The following BNC2 variants were observed in gnomAD, a reference collection of about 807,000 sequenced individuals.
BNC2 encodes the protein basonuclin zinc finger protein 2.
Under a neutral mutation model 76.3 loss-of-function variants are expected in BNC2, and 20 were observed. That is an observed-to-expected ratio of 0.26 (90% confidence interval 0.18 to 0.38). BNC2 has a LOEUF of 0.38. Ranked by LOEUF, BNC2 falls within the 10% of genes least tolerant of loss-of-function variation. The pLI is 1.00. For missense variants in BNC2, 1,382 were observed against 1,399.8 expected, an observed-to-expected ratio of 0.99 and a Z score of 0.20; for synonymous variants, 582 against 514.8, an observed-to-expected ratio of 1.13 and a Z score of -1.77.
chr9:16,435,175 T>C (rs2130838700), intron 6 of BNC2: 1 of 393,882 alleles, frequency 2.5e-6, no homozygotes, highest in South Asian at 2.2e-5. Context: ...AGCAGAAATA[T>C]AAATATATAA....
intron 1 of BNC2, among the ~76,000 whole-genome samples, chr9:16,868,869 C>T (rs1819607148): frequency 6.6e-6 from 1 of 152,154 alleles, no homozygotes; most frequent in Admixed American, 6.5e-5. Context: ...TAGGGTACAT[C>T]TTCAGATCAG....
At position 16,625,141 on chromosome 9, in the gene BNC2, G is replaced by C. The variant is rs540856533; in HGVS notation, c.331-42056C>G. On this transcript the variant is annotated intron_variant, in intron 3 of 6. Transcript: ENST00000380672. Reference sequence around the variant, plus strand: ...GAGAATTATTTGTAAGATTATACTAGAATTAAATTTGAACATGCATCTACC... The same window carrying C: ...GAGAATTATTTGTAAGATTATACTACAATTAAATTTGAACATGCATCTACC... Among the ~76,000 whole-genome samples the C allele has an allele frequency of 6.5e-4, 99 of 152,164 alleles. 1 individual carries two copies. Among genetic ancestry groups the C allele is most frequent in the Non-Finnish European group, 1.2e-3 (81 of 68,018 alleles).
chr9:16,752,493 C>A (rs969327199), intron 1 of BNC2, among the ~76,000 whole-genome samples: 1 of 152,194 alleles, frequency 6.6e-6, no homozygotes, highest in Admixed American at 6.5e-5. Context: ...AACCAGCTGA[C>A]TGAAGCTGTG....
chr9:16,458,335 G>T (rs559729423), intron 5 of BNC2, among the ~76,000 whole-genome samples: 3 of 152,274 alleles, frequency 2.0e-5, no homozygotes, highest in African/African-American at 7.2e-5. Flanking sequence ...TCCATTAGAG[G>T]CTGGAAAAGC....
At chr9:16,612,967 G>A (rs370799621) in intron 3 of BNC2, among the ~76,000 whole-genome samples, 1 of 152,148 alleles carries the variant, frequency 6.6e-6, no homozygotes, top group Non-Finnish European at 1.5e-5. Flanking sequence ...AACAAGCCAA[G>A]ATGGGGAAAG....
chr9:16,785,762 G>A lies in BNC2; in HGVS notation c.4-47277C>T, dbSNP rs184280776. On this transcript the variant is annotated intron_variant, in intron 1 of 6. Coordinates refer to ENST00000380672, the MANE Select transcript of BNC2 (RefSeq NM_017637.6). ...TTGAGTAAATCAGTGAACCAAGCTT[G>A]CACCATTGCACTCCAGCCTGGGCAA... is the stretch of plus-strand genomic sequence containing the variant. Among the ~76,000 whole-genome samples, 46 of 149,526 alleles carry A rather than the reference G, an allele frequency of 3.1e-4. 1 individual carries two copies. The East Asian group carries it at 4.5e-3, about 15-fold the overall frequency.
chr9:16,747,580 G>A (rs1056794524), intron 1 of BNC2, among the ~76,000 whole-genome samples: 14 of 152,124 alleles, frequency 9.2e-5, no homozygotes, highest in Non-Finnish European at 1.5e-4. Flanking sequence ...TCACTTGGCC[G>A]AAGTCTTATA....
At position 16,552,781 on chromosome 9, in the gene BNC2, CA is replaced by C. The variant is rs1818706420; in HGVS notation, c.434-17del. The C allele has an allele frequency of 1.2e-6, 2 of 1,605,042 alleles. No individual in the cohort carries two copies. The highest frequency in any genetic ancestry group is 1.7e-6 in the Non-Finnish European group (2 of 1,171,920). On this transcript the variant is annotated splice_polypyrimidine_tract_variant and intron_variant, in intron 4 of 6. Coordinates refer to ENST00000380672, the MANE Select transcript of BNC2 (RefSeq NM_017637.6). The stretch of plus-strand genomic sequence containing the variant: ...TTATCCAAGGCTGTGGTGGTCCCGC[CA>C]AAGTTCCAGAGATGGGGGTGTTGGG...
chr9:16,614,959 A>T (rs1304256785), intron 3 of BNC2, among the ~76,000 whole-genome samples: 58 of 768 alleles, frequency 0.076, no homozygotes, highest in African/African-American at 0.14. Context: ...CTGTCTCTTT[A>T]AAAAAAAAAA....
intron 5 of BNC2, among the ~76,000 whole-genome samples, chr9:16,489,293 T>C (rs766380343): frequency 2.6e-5 from 4 of 152,250 alleles, no homozygotes; most frequent in Non-Finnish European, 4.4e-5. Context: ...AATGTGGCTA[T>C]GCAACTAAGG....
Position 16,436,332 on chromosome 9 carries a change from T to C in BNC2, c.1862A>G (p.His621Arg), listed in dbSNP as rs1484956889. 1 of 1,614,116 alleles carries C rather than the reference T, an allele frequency of 6.2e-7. No homozygotes were observed. The change falls in exon 6 of 7, where the codon CAT becomes CGT. Residue 621 changes from histidine to arginine, a missense_variant. Coordinates refer to ENST00000380672, the MANE Select transcript of BNC2 (RefSeq NM_017637.6). Reference sequence around the variant, plus strand: ...GGGTGCCAGGTCAGCACTGGGCTCATGGGTGGCCATCATCACTGCTGGCAC... The same window carrying C: ...GGGTGCCAGGTCAGCACTGGGCTCACGGGTGGCCATCATCACTGCTGGCAC... ...PVVPAVMMAT[H>R]EPSADLAPKK...
intron 3 of BNC2, among the ~76,000 whole-genome samples, chr9:16,691,809 A>T (rs1364023368): frequency 1.5e-5 from 2 of 129,460 alleles, no homozygotes; most frequent in African/African-American, 3.0e-5. Context: ...GTGCCCAGCC[A>T]TTTTTTTTTT....
chr9:16,590,928 A>G (rs2133171835), intron 3 of BNC2, among the ~76,000 whole-genome samples: 1 of 152,316 alleles, frequency 6.6e-6, no homozygotes, highest in Middle Eastern at 3.4e-3. Flanking sequence ...CAATAAACAA[A>G]CTAATGGCTT....
At chr9:16,675,000 G>C (rs2134220572) in intron 3 of BNC2, among the ~76,000 whole-genome samples, 1 of 152,258 alleles carries the variant, frequency 6.6e-6, no homozygotes, top group Non-Finnish European at 1.5e-5. Flanking sequence ...CACTAGAAAA[G>C]TAGAAGGGAA....
intron 5 of BNC2, among the ~76,000 whole-genome samples, chr9:16,514,029 T>C (rs1376690359): frequency 1.3e-5 from 2 of 152,226 alleles, no homozygotes; most frequent in Non-Finnish European, 2.9e-5. Context: ...AGGAATCACC[T>C]ATACGTGTGG....
intron 1 of BNC2, among the ~76,000 whole-genome samples, chr9:16,842,821 G>A (rs752451698): frequency 2.5e-4 from 38 of 151,516 alleles, no homozygotes; most frequent in South Asian, 2.1e-4. Flanking sequence ...GTGCCATCTC[G>A]GCTCACTGCA....
intron 3 of BNC2, among the ~76,000 whole-genome samples, chr9:16,584,817 A>G (rs1161035941): frequency 1.3e-5 from 2 of 152,160 alleles, no homozygotes; most frequent in Non-Finnish European, 2.9e-5. Context: ...TTGTACTGTG[A>G]CCAAAATAAA....
chr9:16,660,953 G>A (rs955970394), intron 3 of BNC2, among the ~76,000 whole-genome samples: 2 of 152,098 alleles, frequency 1.3e-5, no homozygotes, highest in Non-Finnish European at 2.9e-5. Context: ...TCAAATTTTG[G>A]TATTTGAGGG....
chr9:16,743,455 G>GA (rs1256395167), intron 1 of BNC2, among the ~76,000 whole-genome samples: 1 of 152,096 alleles, frequency 6.6e-6, no homozygotes, highest in East Asian at 1.9e-4. Flanking sequence ...CTTCAAAAAG[G>GA]AATTTCTTCA....
Sources: gnomAD v4.1 joint callset for allele counts (sites outside exome capture counted in the v4.1 genomes callset) on GRCh38, gnomAD v4.1.1 for gene constraint, MANE v1.5 for transcripts, NCBI Gene and HGNC (gene_info 2026-07-23, HGNC 2026-07-21) for gene names.